Variants in ECT2L observed in about 807,000 individuals in gnomAD.
The protein encoded by ECT2L is epithelial cell-transforming sequence 2 oncogene-like.
Under a neutral mutation model 122.8 loss-of-function variants are expected in ECT2L, and 126 were observed. The observed-to-expected ratio is 1.03, with a 90% confidence interval of 0.89 to 1.19. The LOEUF (loss-of-function observed/expected upper bound fraction) is 1.19. Ranked by LOEUF, ECT2L falls within the 50% of genes most tolerant of loss-of-function variation. The pLI, the probability that ECT2L is intolerant of heterozygous loss-of-function variation, is 0.00. For missense variants in ECT2L, 1,012 were observed against 1,064.1 expected, an observed-to-expected ratio of 0.95 and a Z score of 0.68; for synonymous variants, 385 against 381.8, an observed-to-expected ratio of 1.01 and a Z score of -0.10.
intron 18 of ECT2L, among the ~76,000 whole-genome samples, chr6:138,886,123 CAA>C (rs34777035): frequency 1.0e-4 from 15 of 145,566 alleles, no homozygotes; most frequent in Non-Finnish European, 1.5e-4. Flanking sequence ...AACTAAAAGG[CAA>C]AAAAAAAAAG....
chr6:138,801,802 A>T (rs1258316512), intron 1 of ECT2L, among the ~76,000 whole-genome samples: 1 of 152,216 alleles, frequency 6.6e-6, no homozygotes, highest in Non-Finnish European at 1.5e-5. Flanking sequence ...ATGAAGAAAA[A>T]TACTGAGTAA....
In ECT2L at chr6:138,862,677, T is replaced by C; in HGVS notation, c.1249T>C (p.Phe417Leu). Residue 417 changes from phenylalanine (F) to leucine (L), a missense_variant, in exon 11 of 22, where the codon TTT becomes CTT. Coordinates refer to ENST00000541398, the MANE Select transcript of ECT2L (RefSeq NM_001077706.3). The stretch of plus-strand genomic sequence containing the variant: ...GCTGTCTCAACTAACTGGCACGTTC[T>C]TTACGGCCCCCACTGGGATTGCAAC... ...SQLSQLTGTF[F>L]TAPTGIATGS... 6 of 1,614,222 alleles carry C rather than the reference T, an allele frequency of 3.7e-6. No homozygotes were observed. The highest frequency in any genetic ancestry group is 5.1e-6 in the Non-Finnish European group (6 of 1,180,022).
rs375292316 is a variant in ECT2L at position 138,805,162 on chromosome 6, G to A, written c.-243-7676G>A. Among the ~76,000 whole-genome samples the A allele has an allele frequency of 7.6e-4, 116 of 152,242 alleles. 1 individual carries two copies. The highest frequency in any genetic ancestry group is 2.4e-3 in the African/African-American group (99 of 41,542). ...TGTTTTGTGTAGCAGCAGGCTGTTC[G>A]TTTCATTGACGTATAGTATTCTATT... On this transcript the variant is annotated intron_variant, in intron 1 of 21. Transcript: ENST00000541398.
chr6:138,877,038 G>C (rs1274742731), intron 14 of ECT2L, among the ~76,000 whole-genome samples: 1 of 152,172 alleles, frequency 6.6e-6, no homozygotes, highest in Non-Finnish European at 1.5e-5. Flanking sequence ...TGGGCACACT[G>C]TTTTGTTTTC....
intron 1 of ECT2L, among the ~76,000 whole-genome samples, chr6:138,811,416 T>A (rs1189648628): frequency 6.6e-6 from 1 of 152,238 alleles, no homozygotes; most frequent in East Asian, 1.9e-4. Flanking sequence ...GTACTGGTTA[T>A]GAACTGAGAT....
intron 4 of ECT2L, among the ~76,000 whole-genome samples, chr6:138,828,318 T>C (rs1776526350): frequency 6.6e-6 from 1 of 152,210 alleles, no homozygotes; most frequent in Non-Finnish European, 1.5e-5. Context: ...ATATGACTTC[T>C]AGATTTCTTT....
rs1779325594 is a variant in ECT2L at position 138,899,509 on chromosome 6, T to C, written c.2415-1439T>C. On this transcript the variant is annotated intron_variant, in intron 20 of 21. Coordinates refer to ENST00000541398, the MANE Select transcript of ECT2L (RefSeq NM_001077706.3). Reference sequence around the variant, plus strand: ...GAAGGATACGTACTAGGTTGATAACTTGGGTGACCTGAGTGAAGACAGGGG... The same window carrying C: ...GAAGGATACGTACTAGGTTGATAACCTGGGTGACCTGAGTGAAGACAGGGG... Among the ~76,000 whole-genome samples the C allele has an allele frequency of 3.3e-5, 5 of 152,006 alleles. No individual in the cohort carries two copies. The South Asian group carries it at 1.0e-3, about 32-fold the overall frequency.
intron 12 of ECT2L, among the ~76,000 whole-genome samples, chr6:138,865,689 C>G (rs1778010490): frequency 6.6e-6 from 1 of 152,206 alleles, no homozygotes; most frequent in Admixed American, 6.5e-5. Context: ...AATGAATGAT[C>G]ACAGCAGAGC....
Position 138,849,296 on chromosome 6 carries a change from GT to G in ECT2L, c.933del (p.Val312PhefsTer9). ...EMVMESVKAG[V>X]VSVVYEHSVT... ...GGTGATGGAGAGTGTGAAGGCTGGT[GT>G]TGTTTCTGTGGTATATGAACACAGC... is the stretch of plus-strand genomic sequence containing the variant. On this transcript the variant is annotated frameshift_variant, in exon 9 of 22. Transcript: ENST00000541398. LOFTEE classifies it high-confidence loss of function. 1 of 1,613,304 alleles carries G rather than the reference GT, an allele frequency of 6.2e-7. No homozygotes were observed. Among genetic ancestry groups the G allele is most frequent in the Non-Finnish European group, 8.5e-7 (1 of 1,179,698 alleles).
intron 3 of ECT2L, 114 bp downstream of exon 3, chr6:138,813,454 C>A: frequency 1.2e-6 from 1 of 806,898 alleles, no homozygotes; most frequent in Non-Finnish European, 1.9e-6. Flanking sequence ...AAGAATTTAG[C>A]TTTTCAGTTT....
Position 138,876,758 on chromosome 6 carries a change from C to T in ECT2L, c.1665+200C>T, listed in dbSNP as rs549771781. 1.6e-4 allele frequency among the ~76,000 whole-genome samples: 24 copies of T among 151,916 alleles called. 2 individuals carry two copies. The South Asian group carries it at 4.6e-3, about 29-fold the overall frequency. On this transcript the variant is annotated intron_variant, in intron 14 of 21. Transcript: ENST00000541398. ...AGCCCCAGACTGAAAAGAAGTTGAG[C>T]CAGAAGGATAGCAGTGTAACATCTT...
intron 1 of ECT2L, among the ~76,000 whole-genome samples, chr6:138,801,396 T>G (rs1240632931): frequency 6.6e-6 from 1 of 152,120 alleles, no homozygotes; most frequent in Non-Finnish European, 1.5e-5. Context: ...ATAATAAATA[T>G]TTTTTGCTTT....
chr6:138,851,133 A>C (rs562549550), intron 9 of ECT2L, among the ~76,000 whole-genome samples: 285 of 151,970 alleles, frequency 1.9e-3, no homozygotes, highest in Middle Eastern at 3.4e-3. Flanking sequence ...ATCTCTACAC[A>C]TCCCACATCC....
intron 5 of ECT2L, 38 bp downstream of exon 5, chr6:138,838,552 T>A: frequency 6.3e-7 from 1 of 1,583,784 alleles, no homozygotes; most frequent in Non-Finnish European, 8.6e-7. Flanking sequence ...AGGGCACAAG[T>A]ACAGCTGTAA....
chr6:138,839,662 C>T (rs1017571862), intron 5 of ECT2L, among the ~76,000 whole-genome samples: 1 of 152,212 alleles, frequency 6.6e-6, no homozygotes, highest in Non-Finnish European at 1.5e-5. Context: ...CTGTGCCTGG[C>T]CTAGTCTGTT....
intron 4 of ECT2L, among the ~76,000 whole-genome samples, chr6:138,836,397 T>A (rs1776841407): frequency 6.6e-6 from 1 of 151,182 alleles, no homozygotes; most frequent in South Asian, 2.1e-4. Flanking sequence ...CAAGCGATTC[T>A]CCTGCCTCAG....
chr6:138,813,107 G>T, intron 2 of ECT2L, 65 bp from the exon 3 acceptor site: 1 of 540,564 alleles, frequency 1.8e-6, no homozygotes, highest in Non-Finnish European at 3.2e-6. Flanking sequence ...CTATCTATAT[G>T]TTATATGTGA....
chr6:138,813,289 C>T lies in ECT2L; in HGVS notation c.15C>T (p.His5=). The T allele has an allele frequency of 1.2e-6, 2 of 1,612,320 alleles. No homozygotes were observed. Among genetic ancestry groups the T allele is most frequent in the Non-Finnish European group, 1.7e-6 (2 of 1,179,596 alleles). The stretch of plus-strand genomic sequence containing the variant: ...GAACTCCAGAAATGGAGAGCTTCCA[C>T]ACCAGATTTAGTGCCTGGACACCTT... MESF[H]TRFSAWTPFS... Residue 5 remains histidine, a synonymous_variant, in exon 3 of 22, where the codon CAC becomes CAT. Coordinates refer to ENST00000541398, the MANE Select transcript of ECT2L (RefSeq NM_001077706.3).
chr6:138,853,890 CAG>C, intron 9 of ECT2L, 134 bp from the exon 10 acceptor site: 1 of 922,922 alleles, frequency 1.1e-6, no homozygotes, highest in Non-Finnish European at 1.7e-6. Context: ...CGGGAGGAAG[CAG>C]AGATGCCTCA....
Sources: allele counts gnomAD v4.1 joint callset (sites outside exome capture counted in the v4.1 genomes callset), GRCh38; gene constraint gnomAD v4.1.1; transcripts MANE v1.5; gene names NCBI Gene and HGNC (gene_info 2026-07-23, HGNC 2026-07-21).